SNX29: variants seen among roughly 807,000 people sequenced by gnomAD.
The protein encoded by SNX29 is sorting nexin 29.
In SNX29, 78 loss-of-function variants were observed where a neutral mutation model predicts 102.1. The observed-to-expected ratio is 0.76, with a 90% CI of 0.64 to 0.92. SNX29 has a LOEUF of 0.92. SNX29 is among the 40% of genes least tolerant of loss of function. The pLI, the probability that SNX29 is intolerant of heterozygous loss-of-function variation, is 0.00. For missense variants in SNX29, 1,280 were observed against 1,061.7 expected (o/e 1.21, Z -2.86); for synonymous variants, 580 against 414.5 (o/e 1.40, Z -4.85).
At chr16:12,182,865 C>T (rs1297684457) in intron 13 of SNX29, among the ~76,000 whole-genome samples, 2 of 129,978 alleles carry the variant, frequency 1.5e-5, no homozygotes, top group African/African-American at 2.9e-5. Flanking sequence ...ACCTGGGAGG[C>T]GGAGGTTGCA....
chr16:12,083,774 T>C (rs2052026088), intron 11 of SNX29, among the ~76,000 whole-genome samples: 2 of 152,184 alleles, frequency 1.3e-5, no homozygotes, highest in African/African-American at 4.8e-5. Context: ...CCAGAGGAGC[T>C]TGGCAAAGAA....
chr16:12,540,039 TTAC>T (rs2077258172), intron 20 of SNX29, among the ~76,000 whole-genome samples: 1 of 152,214 alleles, frequency 6.6e-6, no homozygotes, highest in African/African-American at 2.4e-5. Flanking sequence ...TTGATGAAAT[TTAC>T]TTTTTGTGTC....
At chr16:12,320,932 C>T (rs1452620957) in intron 15 of SNX29, among the ~76,000 whole-genome samples, 2 of 152,168 alleles carry the variant, frequency 1.3e-5, no homozygotes, top group Non-Finnish European at 2.9e-5. Flanking sequence ...TGTTGATAAA[C>T]AAGAACAGAA....
intron 10 of SNX29, among the ~76,000 whole-genome samples, chr16:12,069,499 C>G (rs1259186972): frequency 6.6e-6 from 1 of 152,120 alleles, no homozygotes; most frequent in Non-Finnish European, 1.5e-5. Flanking sequence ...AACTCCTGAC[C>G]TCAGGTGATC....
At chr16:12,167,157 T>A (rs1277232168) in intron 13 of SNX29, among the ~76,000 whole-genome samples, 1 of 152,248 alleles carries the variant, frequency 6.6e-6, no homozygotes, top group Non-Finnish European at 1.5e-5. Flanking sequence ...ATCTCATAGC[T>A]GGTGAGGTCG....
At chr16:12,147,431 A>G (rs542583178) in intron 13 of SNX29, among the ~76,000 whole-genome samples, 1 of 152,224 alleles carries the variant, frequency 6.6e-6, no homozygotes, top group Non-Finnish European at 1.5e-5. Flanking sequence ...TGCTTTTCCC[A>G]TTCATTAATG....
intron 20 of SNX29, among the ~76,000 whole-genome samples, chr16:12,527,586 C>T (rs995036918): frequency 1.3e-5 from 2 of 152,128 alleles, no homozygotes; most frequent in Admixed American, 1.3e-4. Context: ...ATCTCGTCTT[C>T]TGGAGAGCCA....
At chr16:12,181,239 G>A (rs2076377326) in intron 13 of SNX29, among the ~76,000 whole-genome samples, 2 of 152,230 alleles carry the variant, frequency 1.3e-5, no homozygotes, top group Non-Finnish European at 2.9e-5. Context: ...AAGGTTGAGG[G>A]CGTGCCCATG....
intron 16 of SNX29, chr16:12,373,652 T>C (rs1203676665): frequency 1.3e-5 from 2 of 152,240 alleles, no homozygotes; most frequent in African/African-American, 4.8e-5. Context: ...CCATTTTATG[T>C]ATGGCTGTGT....
intron 19 of SNX29, among the ~76,000 whole-genome samples, chr16:12,519,997 A>G (rs2090034515): frequency 6.6e-6 from 1 of 150,660 alleles, no homozygotes. Flanking sequence ...TGCAAAAAAT[A>G]AAAATAAAAA....
At chr16:12,568,303 TTAAA>T (rs896887057) in intron 20 of SNX29, among the ~76,000 whole-genome samples, 199 bp from the exon 21 acceptor site, 87 of 80,718 alleles carry the variant, frequency 1.1e-3, no homozygotes, top group African/African-American at 3.3e-3. Flanking sequence ...CGGAGTGCTG[TTAAA>T]AAAAAAAAAA....
intron 18 of SNX29, among the ~76,000 whole-genome samples, chr16:12,449,709 G>T (rs1008691016): frequency 6.6e-6 from 1 of 152,200 alleles, no homozygotes; most frequent in African/African-American, 2.4e-5. Context: ...ATCCAGGCCT[G>T]TCTCACTTCA....
At chr16:12,178,868 T>C (rs1596443318) in intron 13 of SNX29, among the ~76,000 whole-genome samples, 1 of 152,218 alleles carries the variant, frequency 6.6e-6, no homozygotes, top group African/African-American at 2.4e-5. Context: ...ATCGTAATAG[T>C]GTATTATTTT....
chr16:12,310,399 A>G (rs1018948433), intron 15 of SNX29, among the ~76,000 whole-genome samples: 1 of 152,208 alleles, frequency 6.6e-6, no homozygotes, highest in Non-Finnish European at 1.5e-5. Flanking sequence ...GTGTTAGCCA[A>G]CTAGAAAAGG....
chr16:12,248,812 T>C (rs1023569396), intron 14 of SNX29, among the ~76,000 whole-genome samples: 2 of 151,952 alleles, frequency 1.3e-5, no homozygotes, highest in African/African-American at 4.8e-5. Flanking sequence ...TAGCAGCACA[T>C]GATAGAAAAA....
At chr16:12,381,740 A>C (rs1036958469) in intron 16 of SNX29, among the ~76,000 whole-genome samples, 5 of 40,460 alleles carry the variant, frequency 1.2e-4, no homozygotes, top group African/African-American at 2.3e-4. Context: ...CCAGCAACCC[A>C]CCCCACCCAT....
At chr16:12,353,582 CCT>C (rs1312831704) in intron 15 of SNX29, among the ~76,000 whole-genome samples, 3 of 152,244 alleles carry the variant, frequency 2.0e-5, no homozygotes, top group Non-Finnish European at 4.4e-5. Flanking sequence ...GCCTGAACCA[CCT>C]CTCTCCGCCT....
At chr16:12,514,628 G>T (rs538794943) in intron 19 of SNX29, among the ~76,000 whole-genome samples, 5 of 152,156 alleles carry the variant, frequency 3.3e-5, no homozygotes, top group Non-Finnish European at 7.4e-5. Context: ...ACTTTGGGAG[G>T]CCAAGACGGG....
At chr16:12,457,053 T>G (rs1252343580) in intron 18 of SNX29, among the ~76,000 whole-genome samples, 3 of 152,218 alleles carry the variant, frequency 2.0e-5, no homozygotes, top group African/African-American at 7.2e-5. Flanking sequence ...TAAGCTGTGA[T>G]GTCAGACCAG....
Sources: allele counts gnomAD v4.1 joint callset (sites outside exome capture counted in the v4.1 genomes callset), GRCh38; gene constraint gnomAD v4.1.1; transcripts MANE v1.5; gene names NCBI Gene and HGNC (gene_info 2026-07-23, HGNC 2026-07-21).